Variants in CADPS observed in about 807,000 individuals in gnomAD.
CADPS encodes calcium-dependent secretion activator 1.
CADPS carries 57 observed loss-of-function variants against 167.3 expected under a neutral mutation model. The observed-to-expected ratio is 0.34, with a 90% CI of 0.28 to 0.42. The LOEUF is 0.42. Among genes scored for constraint, CADPS ranks in the 20% least tolerant of loss-of-function variants. The pLI is 1.00. For missense variants in CADPS, 1,414 were observed against 1,738.1 expected, an observed-to-expected ratio of 0.81 and a Z score of 3.32; for synonymous variants, 676 against 635.3, an observed-to-expected ratio of 1.06 and a Z score of -0.96.
At chr3:62,703,677 G>C (rs564582436) in intron 3 of CADPS, among the ~76,000 whole-genome samples, 2 of 152,208 alleles carry the variant, frequency 1.3e-5, no homozygotes, top group South Asian at 4.1e-4. Flanking sequence ...TGGCTCCTAG[G>C]GTAATGTGGC....
intron 13 of CADPS, among the ~76,000 whole-genome samples, chr3:62,529,346 C>T (rs2073104926): frequency 6.6e-6 from 1 of 152,128 alleles, no homozygotes; most frequent in African/African-American, 2.4e-5. Context: ...AGAAATAGAT[C>T]AGGTTCAAGC....
intron 9 of CADPS, among the ~76,000 whole-genome samples, chr3:62,559,606 T>A (rs1282645716): frequency 6.6e-6 from 1 of 152,148 alleles, no homozygotes; most frequent in Non-Finnish European, 1.5e-5. Context: ...GTGATTTTCC[T>A]GCCTCAGCCT....
Position 62,601,077 on chromosome 3 carries a change from C to T in CADPS, c.1326-8329G>A, listed in dbSNP as rs888328102. ...ATAGAAAGCACTAAAAAATGTAAGT[C>T]TTCATTTTAGGATTATAGACCAGGG... On this transcript the variant is annotated intron_variant, in intron 6 of 29. Transcript: ENST00000383710. The surrounding 1 kb of genome is among the most constrained non-coding windows in gnomAD (Gnocchi z 4.3). Among the ~76,000 whole-genome samples, 1 of 152,112 alleles carries T rather than the reference C, an allele frequency of 6.6e-6. No homozygotes were observed. The highest frequency in any genetic ancestry group is 6.6e-5 in the Admixed American group (1 of 15,262).
At position 62,875,046 on chromosome 3, in the gene CADPS, C is replaced by T. The variant is rs753380170; in HGVS notation, c.-17G>A. 2.5e-6 allele frequency: 4 copies of T among 1,573,650 alleles called. No homozygotes were observed. In the South Asian group the frequency reaches 4.5e-5, roughly 18 times the overall value. On this transcript the variant is annotated 5_prime_UTR_variant, in exon 1 of 30. Coordinates refer to ENST00000383710, the MANE Select transcript of CADPS (RefSeq NM_003716.4). Reference sequence around the variant, plus strand: ...GTCCAGCATAGTGGCGCCTGGGGAGCGGGGTCTCTGGAGCCCCCGGCTTGG... The same window carrying T: ...GTCCAGCATAGTGGCGCCTGGGGAGTGGGGTCTCTGGAGCCCCCGGCTTGG...
intron 28 of CADPS, among the ~76,000 whole-genome samples, chr3:62,432,056 C>T (rs919106749): frequency 2.6e-5 from 4 of 151,948 alleles, no homozygotes; most frequent in Non-Finnish European, 5.9e-5. Flanking sequence ...CCCCCACCCC[C>T]CAAAACCCTG....
chr3:62,512,468 A>T (rs909670633), intron 17 of CADPS, among the ~76,000 whole-genome samples: 5 of 152,160 alleles, frequency 3.3e-5, no homozygotes, highest in African/African-American at 1.2e-4. Flanking sequence ...CATGAGGCCA[A>T]ATCACTGGAA....
At chr3:62,613,843 G>T (rs1161958992) in intron 6 of CADPS, among the ~76,000 whole-genome samples, 1 of 152,154 alleles carries the variant, frequency 6.6e-6, no homozygotes, top group Non-Finnish European at 1.5e-5. Flanking sequence ...AAGGAGGGCA[G>T]CCATTCAATT....
At chr3:62,698,955 G>A (rs2080895117) in intron 3 of CADPS, among the ~76,000 whole-genome samples, 1 of 151,354 alleles carries the variant, frequency 6.6e-6, no homozygotes, top group African/African-American at 2.4e-5. Context: ...TGTCACTACG[G>A]CTCAAGCACT....
At position 62,765,200 on chromosome 3, in the gene CADPS, A is replaced by C. The variant is rs1357806174; in HGVS notation, c.555+671T>G. 8.5e-5 allele frequency among the ~76,000 whole-genome samples: 13 copies of C among 152,362 alleles called. No individual in the cohort carries two copies. The East Asian group carries it at 2.5e-3, about 29-fold the overall frequency. ...TGTAGAAATAATAGCCAATATGCAC[A>C]CTGAGATAGAACACTTAACAAAATT... On this transcript the variant is annotated intron_variant, in intron 2 of 29. Transcript: ENST00000383710.
At chr3:62,405,842 T>G (rs1045818589) in intron 28 of CADPS, among the ~76,000 whole-genome samples, 1 of 152,250 alleles carries the variant, frequency 6.6e-6, no homozygotes. Flanking sequence ...CACTTTTGGA[T>G]GCAGCACAGT....
At chr3:62,583,155 G>GTC (rs61474581) in intron 8 of CADPS, among the ~76,000 whole-genome samples, 23,734 of 147,058 alleles carry the variant, frequency 0.16, 2,019 homozygotes, top group Non-Finnish European at 0.2. Flanking sequence ...TACCCTCTTT[G>GTC]TCTCTCTCTC....
Position 62,536,544 on chromosome 3 carries a change from A to AAATTCATC in CADPS, c.1996_2003dup (p.Phe668LeufsTer48). The AAATTCATC allele has an allele frequency of 6.2e-7, 1 of 1,613,198 alleles. No individual in the cohort carries two copies. Among genetic ancestry groups the AAATTCATC allele is most frequent in the Non-Finnish European group, 8.5e-7 (1 of 1,179,270 alleles). On this transcript the variant is annotated frameshift_variant, in exon 12 of 30. Transcript: ENST00000383710. LOFTEE classifies it high-confidence loss of function. ...CAAAGTTACAGGGGTTGGAAGAGAT[A>AAATTCATC]AATTCATCCATGCCATGTTTTTGAG...
chr3:62,491,864 A>G (rs2063799044), intron 20 of CADPS, among the ~76,000 whole-genome samples: 1 of 151,632 alleles, frequency 6.6e-6, no homozygotes, highest in Admixed American at 6.6e-5. Flanking sequence ...CTCCTTCATC[A>G]CCCTCCCTGG....
rs761440452 is a variant in CADPS at position 62,492,467 on chromosome 3, A to T, written c.2728-21T>A. 60 of 1,609,598 alleles carry T rather than the reference A, an allele frequency of 3.7e-5. 1 individual carries two copies. The Admixed American group carries it at 7.9e-4, about 21-fold the overall frequency. On this transcript the variant is annotated intron_variant, in intron 19 of 29. Transcript: ENST00000383710. ...AAGGCCTTTAAAATTTGGCAGAAAA[A>T]CAATAGACAAAGAAGTGATGAGCTT...
At chr3:62,521,047 A>G (rs2070430906) in intron 13 of CADPS, among the ~76,000 whole-genome samples, 1 of 152,164 alleles carries the variant, frequency 6.6e-6, no homozygotes, top group Non-Finnish European at 1.5e-5. Flanking sequence ...AGTGGTTCTC[A>G]AACTTGAATG....
chr3:62,831,632 T>G (rs2075109290), intron 1 of CADPS, among the ~76,000 whole-genome samples: 1 of 152,230 alleles, frequency 6.6e-6, no homozygotes, highest in South Asian at 2.1e-4. Context: ...TGTAGCATTT[T>G]AGAATGTAAA....
At chr3:62,628,314 C>T (rs1484311682) in intron 6 of CADPS, among the ~76,000 whole-genome samples, 1 of 152,130 alleles carries the variant, frequency 6.6e-6, no homozygotes, top group Non-Finnish European at 1.5e-5. Flanking sequence ...AGCCATCATG[C>T]AATCATTTTC....
At chr3:62,778,114 C>T (rs2090751186) in intron 1 of CADPS, among the ~76,000 whole-genome samples, 1 of 152,116 alleles carries the variant, frequency 6.6e-6, no homozygotes, top group Non-Finnish European at 1.5e-5. Flanking sequence ...GCTTTGGTTC[C>T]TTTTGGAAGC....
At chr3:62,560,171 G>A (rs2078900522) in intron 9 of CADPS, among the ~76,000 whole-genome samples, 1 of 151,986 alleles carries the variant, frequency 6.6e-6, no homozygotes, top group African/African-American at 2.4e-5. Context: ...ATAAAGGAGG[G>A]GAGAAAGAAT....
Sources: gnomAD v4.1 joint callset for allele counts (sites outside exome capture counted in the v4.1 genomes callset) on GRCh38, gnomAD v4.1.1 for gene constraint, Gnocchi (gnomAD v3.1) non-coding constraint, MANE v1.5 for transcripts, NCBI Gene and HGNC (gene_info 2026-07-23, HGNC 2026-07-21) for gene names.